Variants in ZNF626 observed in about 807,000 individuals in gnomAD.
ZNF626 encodes the protein CTC-513N18.7.
A neutral mutation model predicts 11.7 loss-of-function variants in ZNF626; 4 were observed. That is an observed-to-expected ratio of 0.34 (90% confidence interval 0.17 to 0.78). ZNF626 has a LOEUF of 0.78. Ranked by LOEUF, ZNF626 falls within the 30% of genes least tolerant of loss-of-function variation. The pLI is 0.57. For synonymous variants in ZNF626, 179 were observed against 198.6 expected (o/e 0.90, Z 0.83); for missense variants, 588 against 587.1 (o/e 1.00, Z -0.01).
chr19:20,659,851 G>A (rs945780475), intron 1 of ZNF626, among the ~76,000 whole-genome samples: 4 of 151,972 alleles, frequency 2.6e-5, no homozygotes, highest in Non-Finnish European at 5.9e-5. Flanking sequence ...ATCTGCCTGT[G>A]GGGCCCCAGC....
chr19:20,627,713 G>C (rs928627642), intron 3 of ZNF626, among the ~76,000 whole-genome samples: 19 of 151,972 alleles, frequency 1.3e-4, no homozygotes, highest in Non-Finnish European at 1.9e-4. Context: ...AGTCAGTTGA[G>C]ATCTACTGAC....
At chr19:20,637,389 G>T (rs1293040328) in intron 3 of ZNF626, among the ~76,000 whole-genome samples, 1 of 151,524 alleles carries the variant, frequency 6.6e-6, no homozygotes, top group Non-Finnish European at 1.5e-5. Flanking sequence ...GGAGGCTGAG[G>T]CAGGAGAATC....
intron 3 of ZNF626, among the ~76,000 whole-genome samples, chr19:20,626,459 C>A (rs1294909254): frequency 6.6e-6 from 1 of 152,128 alleles, no homozygotes; most frequent in Admixed American, 6.5e-5. Flanking sequence ...TGGCTCATTC[C>A]TGGAATCCCA....
intron 3 of ZNF626, among the ~76,000 whole-genome samples, chr19:20,626,052 G>C (rs2144763676): frequency 6.6e-6 from 1 of 152,238 alleles, no homozygotes; most frequent in South Asian, 2.1e-4. Context: ...CAGAAGGTCA[G>C]GAGTTCAAGA....
intron 1 of ZNF626, among the ~76,000 whole-genome samples, chr19:20,652,006 T>C (rs2144790603): frequency 6.6e-6 from 1 of 152,330 alleles, no homozygotes; most frequent in African/African-American, 2.4e-5. Context: ...AGCAGGTCAA[T>C]GAACAAGATG....
rs1368736254 is a variant in ZNF626, at chr19:20,629,795, G to T, written c.227-4145C>A. Among the ~76,000 whole-genome samples the T allele has an allele frequency of 4.6e-5, 7 of 152,172 alleles. No homozygotes were observed. The East Asian group carries it at 5.8e-4, about 13-fold the overall frequency. On this transcript the variant is annotated intron_variant, in intron 3 of 3. Transcript: ENST00000601440. Reference sequence around the variant, plus strand: ...TTCCTTCTCCTGCCTGATTGCCCTGGCCAGAACTTCCAACACTATGTTGAA... The same window carrying T: ...TTCCTTCTCCTGCCTGATTGCCCTGTCCAGAACTTCCAACACTATGTTGAA...
At chr19:20,655,260 C>A (rs530831734) in intron 1 of ZNF626, among the ~76,000 whole-genome samples, 1 of 152,178 alleles carries the variant, frequency 6.6e-6, no homozygotes, top group Non-Finnish European at 1.5e-5. Flanking sequence ...TTCTTGCTTT[C>A]GCAGTATAAG....
chr19:20,655,194 A>AT (rs1970192077), intron 1 of ZNF626, among the ~76,000 whole-genome samples: 1 of 152,260 alleles, frequency 6.6e-6, no homozygotes, highest in Non-Finnish European at 1.5e-5. Flanking sequence ...CTGAAATAAT[A>AT]AACAGAAAGC....
chr19:20,653,528 G>A (rs936931520), intron 1 of ZNF626, among the ~76,000 whole-genome samples: 6 of 151,400 alleles, frequency 4.0e-5, no homozygotes, highest in Non-Finnish European at 8.8e-5. Context: ...ACAGGTGGTA[G>A]TTTAGCAGGA....
chr19:20,633,463 C>T (rs1474487117), intron 3 of ZNF626, among the ~76,000 whole-genome samples: 1 of 152,232 alleles, frequency 6.6e-6, no homozygotes, highest in East Asian at 1.9e-4. Context: ...GCTTTGTTTA[C>T]CTAATCAAAC....
At chr19:20,637,100 A>AAAAACAAAAC (rs781929765) in intron 3 of ZNF626, among the ~76,000 whole-genome samples, 23 of 152,108 alleles carry the variant, frequency 1.5e-4, no homozygotes, top group African/African-American at 5.1e-4. Context: ...CTCAATCTCA[A>AAAAACAAAAC]AAAACAAAAC....
In ZNF626 at chr19:20,661,564, C is replaced by G; in HGVS notation, c.-118G>C. On this transcript the variant is annotated 5_prime_UTR_variant, in exon 1 of 4. Transcript: ENST00000601440. ...ACCAGACCTGGAGCTCTGACTGCAG[C>G]GAGAGACAAAGGCCGCACCAAACCC... The G allele has an allele frequency of 8.1e-7, 1 of 1,230,238 alleles. No individual in the cohort carries two copies. The highest frequency in any genetic ancestry group is 1.2e-6 in the Non-Finnish European group (1 of 864,786). 76.2% of individuals were successfully genotyped at this position (1,230,238 alleles called of 1,614,324 possible).
chr19:20,642,489 C>G (rs7258892), intron 3 of ZNF626, among the ~76,000 whole-genome samples: 75,664 of 151,634 alleles, frequency 0.5, 20,430 homozygotes, highest in African/African-American at 0.72. Context: ...CCAGCTATTC[C>G]GGAGGCTGAG....
chr19:20,625,513 C>A lies in ZNF626; in HGVS notation c.364G>T (p.Glu122Ter), dbSNP rs376982092. ...TAACCTTCTTTGTGCACCTTACACT[C>A]ATCCACACTTATACATCCTTTTTTT... is the stretch of plus-strand genomic sequence containing the variant. ...QLKKGCISVD[E>*]CKVHKEGYNE... The change falls in exon 4 of 4, where the codon GAG (glutamate) becomes TAG (stop). Residue 122 changes from glutamate (E) to a stop codon, truncating the protein, a stop_gained. Transcript: ENST00000601440. LOFTEE classifies it low-confidence loss of function (END_TRUNC). The A allele has an allele frequency of 6.2e-7, 1 of 1,614,006 alleles. No individual in the cohort carries two copies. The highest frequency in any genetic ancestry group is 8.5e-7 in the Non-Finnish European group (1 of 1,179,968).
intron 3 of ZNF626, among the ~76,000 whole-genome samples, chr19:20,627,329 A>T (rs201475075): frequency 2.1e-5 from 1 of 48,730 alleles, no homozygotes; most frequent in African/African-American, 1.9e-4. Context: ...GTAATGATGA[A>T]GAATTTTTGT....
intron 1 of ZNF626, among the ~76,000 whole-genome samples, chr19:20,650,715 GT>G (rs1306075877): frequency 6.6e-6 from 1 of 152,004 alleles, no homozygotes; most frequent in Non-Finnish European, 1.5e-5. Context: ...TTCCAGTTTT[GT>G]TTTTTCTAAA....
In ZNF626 at chr19:20,620,397, T is replaced by G. The variant is rs1969743843; in HGVS notation, c.*3893A>C. The G allele has an allele frequency of 3.9e-5, 6 of 152,192 alleles. No homozygotes were observed. 9.4% of individuals were successfully genotyped at this position (152,192 alleles called of 1,614,324 possible). On this transcript the variant is annotated 3_prime_UTR_variant, in exon 4 of 4. Coordinates refer to ENST00000601440, the MANE Select transcript of ZNF626 (RefSeq NM_001076675.3). ...AAATGCATATTTACCAAACACTCAT[T>G]TCATAATTTTCTTACACCTAAGGTT...
rs782442393 is a variant in ZNF626, at chr19:20,646,415, A to C, written c.4-10T>G. 1 of 1,612,434 alleles carries C rather than the reference A, an allele frequency of 6.2e-7. No homozygotes were observed. Among genetic ancestry groups the C allele is most frequent in the South Asian group, 1.1e-5 (1 of 91,010 alleles). ...TAAATTGCAATGGTCCCTGAAAAAC[A>C]CACACACACACATTTTTACCAAGTG... On this transcript the variant is annotated splice_polypyrimidine_tract_variant and intron_variant, in intron 1 of 3. Coordinates refer to ENST00000601440, the MANE Select transcript of ZNF626 (RefSeq NM_001076675.3).
Position 20,625,660 on chromosome 19 carries a change from A to G in ZNF626, c.227-10T>C. 1 of 1,519,976 alleles carries G rather than the reference A, an allele frequency of 6.6e-7. No individual in the cohort carries two copies. Among genetic ancestry groups the G allele is most frequent in the South Asian group, 1.4e-5 (1 of 72,622 alleles). 94.2% of individuals were successfully genotyped at this position (1,519,976 alleles called of 1,614,324 possible). Reference sequence around the variant, plus strand: ...AAATGAGAACACATTACTGAAAGAAACAATAAAAACACATTACTTCAATTG... The same window carrying G: ...AAATGAGAACACATTACTGAAAGAAGCAATAAAAACACATTACTTCAATTG... On this transcript the variant is annotated splice_polypyrimidine_tract_variant and intron_variant, in intron 3 of 3. Transcript: ENST00000601440.
Sources: allele counts gnomAD v4.1 joint callset (sites outside exome capture counted in the v4.1 genomes callset), GRCh38; gene constraint gnomAD v4.1.1; transcripts MANE v1.5; gene names NCBI Gene and HGNC (gene_info 2026-07-23, HGNC 2026-07-21).